Variants in DYNC1H1 observed in about 807,000 individuals in gnomAD.
DYNC1H1 encodes cytoplasmic dynein 1 heavy chain 1.
A neutral mutation model predicts 527.1 loss-of-function variants in DYNC1H1; 51 were observed. The observed-to-expected ratio is 0.10, with a 90% CI of 0.08 to 0.12. The LOEUF (loss-of-function observed/expected upper bound fraction) is 0.12, where lower values mean the gene tolerates loss of function less well. Ranked by LOEUF, DYNC1H1 falls within the 10% of genes least tolerant of loss-of-function variation. The probability of loss-of-function intolerance (pLI) is 1.00; values close to 1 mark genes in which losing one functional copy is unlikely to be tolerated. For synonymous variants in DYNC1H1, 2,189 were observed against 2,278.8 expected (o/e 0.96, Z 1.12); for missense variants, 2,771 against 5,971.8 (o/e 0.46, Z 17.66).
chr14:101,995,378 G>A (rs578108568), intron 15 of DYNC1H1, 78 bp downstream of exon 15: 39 of 1,547,706 alleles, frequency 2.5e-5, no homozygotes, highest in African/African-American at 8.2e-5. Context: ...TTGGGAGGCC[G>A]AGGCGGGCGG....
Position 102,044,182 on chromosome 14 carries a change from G to T in DYNC1H1, c.12685-92G>T. The T allele has an allele frequency of 6.3e-7, 1 of 1,586,668 alleles. No homozygotes were observed. The highest frequency in any genetic ancestry group is 8.6e-7 in the Non-Finnish European group (1 of 1,167,462). On this transcript the variant is annotated intron_variant, in intron 70 of 77. Transcript: ENST00000360184. This position sits in a 1 kb window ranked among gnomAD's most constrained non-coding sequence, Gnocchi z 7.1. ...GACCGCCAAAGCCTAGCTGGCCATG[G>T]GGAGTGAGGAGGAAAGCTGTGCCCC...
chr14:102,047,668 C>A (rs961364298), intron 72 of DYNC1H1, 149 bp from the exon 73 acceptor site: 4 of 549,236 alleles, frequency 7.3e-6, no homozygotes, highest in Non-Finnish European at 1.3e-5. Flanking sequence ...TATATATGTA[C>A]ACACGGCTGA....
chr14:102,026,852 C>A, intron 44 of DYNC1H1, 145 bp downstream of exon 44: 1 of 1,234,180 alleles, frequency 8.1e-7, no homozygotes, highest in Non-Finnish European at 1.2e-6. Context: ...TCTCTTCTTT[C>A]TAAGTCCAGC....
chr14:102,006,673 T>C (rs2048200242), intron 27 of DYNC1H1, among the ~76,000 whole-genome samples: 1 of 152,020 alleles, frequency 6.6e-6, no homozygotes, highest in African/African-American at 2.4e-5. Context: ...CAACCTTGGC[T>C]CATTGCAACC....
In DYNC1H1 at chr14:101,995,132, A is replaced by G. The variant is rs755290744; in HGVS notation, c.3444+36A>G. 1.9e-6 allele frequency: 3 copies of G among 1,614,224 alleles called. No homozygotes were observed. In the East Asian group the frequency reaches 6.7e-5, roughly 36 times the overall value. The stretch of plus-strand genomic sequence containing the variant: ...AGGATTCTGCCTCTGTAACCGGTCT[A>G]CTGGTGAACCCCAGCTCTGTGATGA... On this transcript the variant is annotated intron_variant, in intron 14 of 77. Transcript: ENST00000360184.
chr14:101,970,531 G>GCTT (rs1555407403), intron 1 of DYNC1H1, among the ~76,000 whole-genome samples: 1 of 127,140 alleles, frequency 7.9e-6, no homozygotes, highest in Non-Finnish European at 1.5e-5. Context: ...CACCCAGGCT[G>GCTT]GAGTGCAGTG....
At chr14:102,040,179 T>C in intron 62 of DYNC1H1, 57 bp from the exon 63 acceptor site, 1 of 1,603,490 alleles carries the variant, frequency 6.2e-7, no homozygotes, top group Non-Finnish European at 8.5e-7. Flanking sequence ...GCTGTTATCT[T>C]AGTGACAGTG....
rs2048582610 is a variant in DYNC1H1 at position 102,036,940 on chromosome 14, T to C, written c.10908+298T>C. On this transcript the variant is annotated intron_variant, in intron 57 of 77. Coordinates refer to ENST00000360184, the MANE Select transcript of DYNC1H1 (RefSeq NM_001376.5). This position sits in a 1 kb window ranked among gnomAD's most constrained non-coding sequence, Gnocchi z 5.6. ...GGCTAAACCCCATCTCTACAAAAAA[T>C]ACAAAAATTAGCTGGTTGAGGTGGC... 1 of 359,426 alleles carries C rather than the reference T, an allele frequency of 2.8e-6. No homozygotes were observed. Among genetic ancestry groups the C allele is most frequent in the Admixed American group, 3.8e-5 (1 of 26,382 alleles). 22.3% of individuals were successfully genotyped at this position (359,426 alleles called of 1,614,324 possible). A position where few individuals can be genotyped will look rare whatever the true frequency, so the allele number is the denominator to read the frequency against.
chr14:102,041,459 C>A lies in DYNC1H1; in HGVS notation c.11942-115C>A. 6.5e-7 allele frequency: 1 copy of A among 1,542,278 alleles called. No homozygotes were observed. Among genetic ancestry groups the A allele is most frequent in the Non-Finnish European group, 8.9e-7 (1 of 1,122,426 alleles). On this transcript the variant is annotated intron_variant, in intron 64 of 77. Coordinates refer to ENST00000360184, the MANE Select transcript of DYNC1H1 (RefSeq NM_001376.5). The surrounding 1 kb of genome is among the most constrained non-coding windows in gnomAD (Gnocchi z 4.5). The stretch of plus-strand genomic sequence containing the variant: ...GCTGAATTTCCTGATTTGAGCTGAT[C>A]CTGAAATGCTGAGCATTTGCTGAGT...
In DYNC1H1 at chr14:101,964,713, G is replaced by A. The variant is rs774412818; in HGVS notation, c.22G>A (p.Gly8Ser). The A allele has an allele frequency of 1.0e-5, 16 of 1,597,020 alleles. No homozygotes were observed. The Admixed American group carries it at 1.8e-4, about 18-fold the overall frequency. MSEPGGG[G>S]GEDGSAGLEV... is the part of the protein sequence containing the mutation. ...CACCATGTCGGAGCCCGGGGGCGGC[G>A]GCGGCGAGGACGGCTCGGCCGGATT... is the stretch of plus-strand genomic sequence containing the variant. The change falls in exon 1 of 78, where the codon GGC (glycine) becomes AGC (serine). Residue 8 changes from glycine (G) to serine (S), a missense_variant. Gly to Ser is a moderately conservative substitution (Grantham distance 56). Coordinates refer to ENST00000360184, the MANE Select transcript of DYNC1H1 (RefSeq NM_001376.5). This position sits in a 1 kb window ranked among gnomAD's most constrained non-coding sequence, Gnocchi z 5.5.
rs2152602594 is a variant in DYNC1H1, at chr14:102,052,457, C to CA, written c.*1895dup. ...CCCTAAAAACATTTATGTGCATCGA[C>CA]ATCAGCTTTGATCAGAAGAGCCCCT... On this transcript the variant is annotated 3_prime_UTR_variant, in exon 78 of 78. Coordinates refer to ENST00000360184, the MANE Select transcript of DYNC1H1 (RefSeq NM_001376.5). 6.6e-6 allele frequency: 1 copy of CA among 152,446 alleles called. No homozygotes were observed. Among genetic ancestry groups the CA allele is most frequent in the East Asian group, 1.9e-4 (1 of 5,188 alleles). The allele number at this position is 152,446 out of a possible 1,614,324, so 9.4% of individuals were successfully genotyped here. A position where few individuals can be genotyped will look rare whatever the true frequency, so the allele number is the denominator to read the frequency against.
Position 102,040,596 on chromosome 14 carries a change from A to G in DYNC1H1, c.11866-2A>G. 1 of 1,614,198 alleles carries G rather than the reference A, an allele frequency of 6.2e-7. No homozygotes were observed. The highest frequency in any genetic ancestry group is 8.5e-7 in the Non-Finnish European group (1 of 1,180,034). On this transcript the variant is annotated splice_acceptor_variant, in intron 63 of 77. Coordinates refer to ENST00000360184, the MANE Select transcript of DYNC1H1 (RefSeq NM_001376.5). LOFTEE classifies it high-confidence loss of function. ...TGGGTGCTTCCACTATTGTCTCCAC[A>G]GCAATTTGGCATCTGGCTGGACAGC... is the stretch of plus-strand genomic sequence containing the variant.
In DYNC1H1 at chr14:102,015,265, A is replaced by G. The variant is rs1439899908; in HGVS notation, c.7175A>G (p.Asp2392Gly). The change falls in exon 35 of 78, where the codon GAT (aspartate) becomes GGT (glycine). Residue 2392 changes from aspartate (D) to glycine (G), a missense_variant. By Grantham distance (94) the Asp-to-Gly change is moderately conservative. Transcript: ENST00000360184. The surrounding 1 kb of genome is among the most constrained non-coding windows in gnomAD (Gnocchi z 6.9). ...AGCATCCCGCTGGATGAAGGGGAGGATGAGGCACAGCGGCGGCGTAAGGGC... is the reference window on the plus strand; with the variant it reads ...AGCATCCCGCTGGATGAAGGGGAGGGTGAGGCACAGCGGCGGCGTAAGGGC... ...LRSIPLDEGE[D>G]EAQRRRKGKE... 1 of 1,614,102 alleles carries G rather than the reference A, an allele frequency of 6.2e-7. No individual in the cohort carries two copies. Among genetic ancestry groups the G allele is most frequent in the Non-Finnish European group, 8.5e-7 (1 of 1,180,040 alleles).
intron 42 of DYNC1H1, 108 bp from the exon 43 acceptor site, chr14:102,022,642 AC>A: frequency 6.7e-7 from 1 of 1,497,584 alleles, no homozygotes; most frequent in Non-Finnish European, 9.3e-7. Context: ...TGTGATAAAG[AC>A]TGACTGCATC....
intron 16 of DYNC1H1, 135 bp from the exon 17 acceptor site, chr14:101,999,854 T>A (rs1407544351): frequency 8.1e-7 from 1 of 1,228,262 alleles, no homozygotes; most frequent in Non-Finnish European, 1.2e-6. Context: ...TTGTTGAATG[T>A]TTCCTTATGA....
At position 101,970,487 on chromosome 14, in the gene DYNC1H1, T is replaced by G. The variant is rs1290094356; in HGVS notation, c.257-5225T>G. ...GGTTTGTTGTTGTTTTTTTTTTTTT[T>G]TTTTTTTTTTTTTGAGATGGCGTCT... On this transcript the variant is annotated intron_variant, in intron 1 of 77. Coordinates refer to ENST00000360184, the MANE Select transcript of DYNC1H1 (RefSeq NM_001376.5). 7.2e-5 allele frequency among the ~76,000 whole-genome samples: 9 copies of G among 125,298 alleles called. 1 individual carries two copies. Among genetic ancestry groups the G allele is most frequent in the East Asian group, 4.4e-4 (2 of 4,538 alleles). The allele number at this position is 125,298 out of a possible 152,430, so 82.2% of individuals were successfully genotyped here.
intron 51 of DYNC1H1, 131 bp downstream of exon 51, chr14:102,030,413 T>A (rs942510249): frequency 7.9e-6 from 11 of 1,383,756 alleles, no homozygotes; most frequent in Non-Finnish European, 1.0e-5. Flanking sequence ...ATATCATTAG[T>A]AACCATCTGA....
intron 72 of DYNC1H1, among the ~76,000 whole-genome samples, chr14:102,046,461 GGCGAGCT>G: frequency 6.7e-6 from 1 of 149,748 alleles, no homozygotes. Context: ...GCCAAAGCCA[GGCGAGCT>G]GGGCGGGTCT....
chr14:102,022,075 G>A (rs1482252544), intron 42 of DYNC1H1, among the ~76,000 whole-genome samples: 2 of 151,986 alleles, frequency 1.3e-5, no homozygotes, highest in Non-Finnish European at 2.9e-5. Flanking sequence ...AGCAGAGGTT[G>A]CAGTGAGCCA....
Sources: gnomAD v4.1 joint callset for allele counts (sites outside exome capture counted in the v4.1 genomes callset) on GRCh38, gnomAD v4.1.1 for gene constraint, Gnocchi (gnomAD v3.1) non-coding constraint, MANE v1.5 for transcripts, NCBI Gene and HGNC (gene_info 2026-07-23, HGNC 2026-07-21) for gene names.